The following ALCAM variants were observed in gnomAD, a reference collection of about 807,000 sequenced individuals.
ALCAM encodes the protein CD166 antigen.
In ALCAM, 30 loss-of-function variants were observed where a neutral mutation model predicts 70.9. The observed-to-expected ratio is 0.42, with a 90% CI of 0.32 to 0.57. ALCAM has a LOEUF of 0.57. Ranked by LOEUF, ALCAM falls within the 20% of genes least tolerant of loss-of-function variation. The pLI is 0.11. For missense variants in ALCAM, 591 were observed against 695.1 expected (o/e 0.85, Z 1.68); for synonymous variants, 249 against 242.5 (o/e 1.03, Z -0.25).
At chr3:105,443,608 G>C (rs943371113) in intron 1 of ALCAM, among the ~76,000 whole-genome samples, 2 of 152,000 alleles carry the variant, frequency 1.3e-5, no homozygotes, top group Non-Finnish European at 2.9e-5. Context: ...ATTTAAAATG[G>C]TTTCTTTTAA....
At chr3:105,574,051 C>G (rs906843146) in intron 15 of ALCAM, among the ~76,000 whole-genome samples, 4 of 151,822 alleles carry the variant, frequency 2.6e-5, no homozygotes, top group Non-Finnish European at 4.4e-5. Context: ...TTTGTTTTTT[C>G]CACTTCTCTA....
chr3:105,476,063 A>G (rs1938099612), intron 1 of ALCAM, among the ~76,000 whole-genome samples: 1 of 151,868 alleles, frequency 6.6e-6, no homozygotes, highest in Non-Finnish European at 1.5e-5. Context: ...AAGACCAACA[A>G]TGGCCTGTAT....
At chr3:105,497,037 AT>A (rs1938765053) in intron 1 of ALCAM, among the ~76,000 whole-genome samples, 1 of 152,096 alleles carries the variant, frequency 6.6e-6, no homozygotes, top group Non-Finnish European at 1.5e-5. Context: ...TCTTTACTCT[AT>A]TTTTGAATCT....
At chr3:105,540,179 TGAGAAAAAATGTTATTGCTGGAGACAA>T (rs1940079870) in intron 7 of ALCAM, 77 bp downstream of exon 7, 1 of 1,392,570 alleles carries the variant, frequency 7.2e-7, no homozygotes, top group Non-Finnish European at 9.7e-7. Context: ...ATAGATTAAG[TGAGAAAAAATGTTATTGCTGGAGACAA>T]GAGACGCCAC....
chr3:105,541,954 G>T (rs598425), intron 8 of ALCAM, among the ~76,000 whole-genome samples, 189 bp downstream of exon 8: 125,672 of 151,856 alleles, frequency 0.83, 52,134 homozygotes, highest in East Asian at 0.96. Flanking sequence ...TTGAAACCTT[G>T]CATGGCTCTG....
chr3:105,525,498 A>C (rs1939680205), intron 3 of ALCAM: 2 of 347,098 alleles, frequency 5.8e-6, no homozygotes. Context: ...TTAGGGAAGA[A>C]GGTTTCACTT....
In ALCAM at chr3:105,386,337, A is replaced by G. The variant is rs115949556; in HGVS notation, c.73+18856A>G. ...ACATCTGTTTTGAATCAACTGCACAATGGTTTATGCATGGGCCAACTGAAT... is the reference window on the plus strand; with the variant it reads ...ACATCTGTTTTGAATCAACTGCACAGTGGTTTATGCATGGGCCAACTGAAT... On this transcript the variant is annotated intron_variant, in intron 1 of 15. Coordinates refer to ENST00000306107, the MANE Select transcript of ALCAM (RefSeq NM_001627.4). Among the ~76,000 whole-genome samples the G allele has an allele frequency of 9.1e-3, 1,386 of 151,736 alleles. 17 individuals are homozygous for G. Among genetic ancestry groups the G allele is most frequent in the African/African-American group, 0.03 (1,241 of 41,468 alleles).
At chr3:105,485,159 TCTTGCATCCTTAATG>T (rs1438483093) in intron 1 of ALCAM, among the ~76,000 whole-genome samples, 1 of 152,068 alleles carries the variant, frequency 6.6e-6, no homozygotes, top group Non-Finnish European at 1.5e-5. Flanking sequence ...TAATACCAAA[TCTTGCATCCTTAATG>T]CATCATGAAA....
chr3:105,527,799 T>C (rs1939743270), intron 3 of ALCAM, among the ~76,000 whole-genome samples: 1 of 151,994 alleles, frequency 6.6e-6, no homozygotes, highest in South Asian at 2.1e-4. Flanking sequence ...ACTTCAGAGC[T>C]TTTATTTGGA....
chr3:105,576,863 C>CTT lies in ALCAM; in HGVS notation c.*2413_*2414insTT, dbSNP rs1239313307. ...TGTGGAAATGGATTAACATACCCGT[C>CTT]TATGCCTAAAAGATAATAAAACTGA... is the stretch of plus-strand genomic sequence containing the variant. On this transcript the variant is annotated 3_prime_UTR_variant, in exon 16 of 16. Transcript: ENST00000306107. The CTT allele has an allele frequency of 2.0e-5, 3 of 152,152 alleles. No homozygotes were observed. Among genetic ancestry groups the CTT allele is most frequent in the African/African-American group, 7.2e-5 (3 of 41,446 alleles). 9.4% of individuals were successfully genotyped at this position (152,152 alleles called of 1,614,324 possible). A position where few individuals can be genotyped will look rare whatever the true frequency, so the allele number is the denominator to read the frequency against.
At chr3:105,433,635 C>G (rs767649555) in intron 1 of ALCAM, among the ~76,000 whole-genome samples, 1 of 151,192 alleles carries the variant, frequency 6.6e-6, no homozygotes, top group Non-Finnish European at 1.5e-5. Flanking sequence ...GGGTCTGTTG[C>G]CAGGAAGAAG....
chr3:105,574,884 G>C lies in ALCAM; in HGVS notation c.*433G>C. On this transcript the variant is annotated 3_prime_UTR_variant, in exon 16 of 16. Coordinates refer to ENST00000306107, the MANE Select transcript of ALCAM (RefSeq NM_001627.4). ...GGATAATCTGAGCAGGTACATTTCT[G>C]ATTCTGATTGCTATCAGCAATGCCC... The C allele has an allele frequency of 6.6e-6, 1 of 152,502 alleles. No homozygotes were observed. The highest frequency in any genetic ancestry group is 1.9e-4 in the East Asian group (1 of 5,194). 9.4% of individuals were successfully genotyped at this position (152,502 alleles called of 1,614,324 possible).
At chr3:105,395,299 A>G (rs1170603773) in intron 1 of ALCAM, among the ~76,000 whole-genome samples, 1 of 151,926 alleles carries the variant, frequency 6.6e-6, no homozygotes, top group Non-Finnish European at 1.5e-5. Flanking sequence ...TTTCAGGAGG[A>G]TGTTTCATAC....
intron 1 of ALCAM, among the ~76,000 whole-genome samples, chr3:105,369,546 A>G (rs1047596641): frequency 3.3e-5 from 5 of 152,056 alleles, no homozygotes; most frequent in African/African-American, 1.2e-4. Flanking sequence ...TTACAGCACT[A>G]AAGGCGCCGT....
chr3:105,421,140 C>T (rs982542840), intron 1 of ALCAM, among the ~76,000 whole-genome samples: 4 of 151,168 alleles, frequency 2.6e-5, no homozygotes, highest in Non-Finnish European at 3.0e-5. Context: ...TAGTAATAAC[C>T]CTCTCAGGTA....
chr3:105,576,514 G>A lies in ALCAM; in HGVS notation c.*2063G>A, dbSNP rs1278554372. 6.6e-6 allele frequency: 1 copy of A among 152,512 alleles called. No individual in the cohort carries two copies. Among genetic ancestry groups the A allele is most frequent in the Non-Finnish European group, 1.5e-5 (1 of 68,012 alleles). 9.4% of individuals were successfully genotyped at this position (152,512 alleles called of 1,614,324 possible). Reference sequence around the variant, plus strand: ...AGAGTTATGCTACAATTATTTCTTGGTTTCCACTTGCAATGGTTAATTAAG... The same window carrying A: ...AGAGTTATGCTACAATTATTTCTTGATTTCCACTTGCAATGGTTAATTAAG... On this transcript the variant is annotated 3_prime_UTR_variant, in exon 16 of 16. Transcript: ENST00000306107.
intron 12 of ALCAM, 109 bp from the exon 13 acceptor site, chr3:105,552,017 TTTACTGTTAGCTATAGAA>T (rs1940421795): frequency 1.7e-6 from 1 of 585,224 alleles, no homozygotes; most frequent in Admixed American, 3.8e-5. Flanking sequence ...TTTTTTTTTT[TTTACTGTTAGCTATAGAA>T]TAGACATTTT....
At chr3:105,528,570 A>G (rs1294054231) in intron 3 of ALCAM, among the ~76,000 whole-genome samples, 1 of 152,176 alleles carries the variant, frequency 6.6e-6, no homozygotes, top group Non-Finnish European at 1.5e-5. Flanking sequence ...AATGGGTATT[A>G]GTGAAAGCCC....
chr3:105,513,529 C>A (rs1199100201), intron 1 of ALCAM, among the ~76,000 whole-genome samples: 2 of 151,910 alleles, frequency 1.3e-5, no homozygotes, highest in Admixed American at 1.3e-4. Context: ...TAGCTGTATT[C>A]CCTAAAATTT....
Sources: gnomAD v4.1 joint callset for allele counts (sites outside exome capture counted in the v4.1 genomes callset) on GRCh38, gnomAD v4.1.1 for gene constraint, MANE v1.5 for transcripts, NCBI Gene and HGNC (gene_info 2026-07-23, HGNC 2026-07-21) for gene names.